Variants in ADAMTSL1 observed in about 807,000 individuals in gnomAD.
ADAMTSL1 encodes the protein ADAMTS-like protein 1.
Under a neutral mutation model 201.8 loss-of-function variants are expected in ADAMTSL1, and 126 were observed. That is an observed-to-expected ratio of 0.62 (90% CI 0.54 to 0.72). The LOEUF is 0.72. Among genes scored for constraint, ADAMTSL1 ranks in the 30% least tolerant of loss-of-function variants. The probability of loss-of-function intolerance (pLI) is 0.00; values close to 1 mark genes in which losing one functional copy is unlikely to be tolerated. For missense variants in ADAMTSL1, 2,679 were observed against 2,277.8 expected (o/e 1.18, Z -3.59); for synonymous variants, 1,121 against 903.4 (o/e 1.24, Z -4.32).
chr9:18,233,578 C>T (rs371883884), intron 2 of ADAMTSL1, among the ~76,000 whole-genome samples: 10 of 152,208 alleles, frequency 6.6e-5, no homozygotes, highest in South Asian at 2.1e-4. Flanking sequence ...CATTCCCTCC[C>T]ACCTAGGAGC....
At chr9:18,756,784 TTTGAGGGGA>T (rs1819800061) in intron 16 of ADAMTSL1, among the ~76,000 whole-genome samples, 1 of 152,226 alleles carries the variant, frequency 6.6e-6, no homozygotes, top group South Asian at 2.1e-4. Flanking sequence ...ACATTGCCCG[TTTGAGGGGA>T]GAAACTCTCT....
At chr9:18,275,793 A>G (rs1416616595) in intron 2 of ADAMTSL1, among the ~76,000 whole-genome samples, 1 of 152,040 alleles carries the variant, frequency 6.6e-6, no homozygotes, top group African/African-American at 2.4e-5. Context: ...CCAGTTTGAG[A>G]CTATTATTAA....
chr9:18,521,712 C>A (rs1009465170), intron 2 of ADAMTSL1, among the ~76,000 whole-genome samples: 2 of 151,918 alleles, frequency 1.3e-5, no homozygotes, highest in African/African-American at 2.4e-5. Flanking sequence ...TTTACATAAA[C>A]AAGTTTCATT....
At chr9:18,295,335 C>T (rs1016376754) in intron 2 of ADAMTSL1, among the ~76,000 whole-genome samples, 3 of 150,730 alleles carry the variant, frequency 2.0e-5, no homozygotes, top group Non-Finnish European at 4.4e-5. Flanking sequence ...TTGACTGCAA[C>T]CGTTATTCAT....
At chr9:18,788,488 C>G (rs1450060141) in intron 19 of ADAMTSL1, among the ~76,000 whole-genome samples, 1 of 147,314 alleles carries the variant, frequency 6.8e-6, no homozygotes, top group African/African-American at 2.5e-5. Context: ...AAAGGTTATT[C>G]CTTACTCCTG....
intron 1 of ADAMTSL1, among the ~76,000 whole-genome samples, chr9:18,152,995 G>T (rs2132051137): frequency 6.6e-6 from 1 of 151,886 alleles, no homozygotes; most frequent in South Asian, 2.1e-4. Flanking sequence ...TTAAAGTTTG[G>T]CATCTAGAAA....
intron 1 of ADAMTSL1, among the ~76,000 whole-genome samples, chr9:18,029,739 A>G (rs1820860496): frequency 6.6e-6 from 1 of 152,244 alleles, no homozygotes; most frequent in South Asian, 2.1e-4. Flanking sequence ...TGGGTGAAGG[A>G]TATGAATAGA....
chr9:18,640,766 A>G (rs10963696), intron 7 of ADAMTSL1, among the ~76,000 whole-genome samples: 2 of 151,706 alleles, frequency 1.3e-5, no homozygotes, highest in African/African-American at 4.8e-5. Context: ...CATCCAAACT[A>G]TCTCTCAACA....
chr9:18,635,494 C>T (rs902513167), intron 5 of ADAMTSL1, among the ~76,000 whole-genome samples: 2 of 152,062 alleles, frequency 1.3e-5, no homozygotes, highest in African/African-American at 2.4e-5. Context: ...GGGTGTTCAG[C>T]GCATACCAAT....
At chr9:18,539,225 C>G (rs1385368737) in intron 3 of ADAMTSL1, among the ~76,000 whole-genome samples, 5 of 152,168 alleles carry the variant, frequency 3.3e-5, no homozygotes, top group Non-Finnish European at 7.3e-5. Flanking sequence ...ACACCCAACT[C>G]CTGTTCTGTA....
intron 1 of ADAMTSL1, among the ~76,000 whole-genome samples, chr9:18,502,523 G>A (rs983551595): frequency 6.6e-6 from 1 of 152,178 alleles, no homozygotes; most frequent in African/African-American, 2.4e-5. Flanking sequence ...CATTGGCAAA[G>A]AGTCTTTTCT....
chr9:18,480,083 T>G (rs2131801373), intron 1 of ADAMTSL1, among the ~76,000 whole-genome samples: 1 of 152,352 alleles, frequency 6.6e-6, no homozygotes, highest in Middle Eastern at 3.4e-3. Flanking sequence ...TATTTTTCCT[T>G]TTTCAAAACT....
chr9:18,573,979 T>G (rs1587608437), intron 3 of ADAMTSL1, 51 bp from the exon 4 acceptor site: 1 of 1,482,828 alleles, frequency 6.7e-7, no homozygotes, highest in Non-Finnish European at 9.3e-7. Context: ...GGTTTCATGT[T>G]TGGGGGTATC....
chr9:18,591,693 T>C (rs539837131), intron 4 of ADAMTSL1, among the ~76,000 whole-genome samples: 1 of 152,196 alleles, frequency 6.6e-6, no homozygotes, highest in Non-Finnish European at 1.5e-5. Context: ...TAAATCACTG[T>C]AACTAGGCTC....
rs766423543 is a variant in ADAMTSL1 at position 18,828,658 on chromosome 9, AT to A, written c.4115-1182del. ...ATGAAAAGGATTCTTTTGAAAGTAT[AT>A]TTATATATATATATATATATATATA... On this transcript the variant is annotated intron_variant, in intron 22 of 28. Coordinates refer to ENST00000380548, the MANE Select transcript of ADAMTSL1 (RefSeq NM_001040272.6). 5.5e-3 allele frequency among the ~76,000 whole-genome samples: 301 copies of A among 54,292 alleles called. 15 individuals carry two copies. Among genetic ancestry groups the A allele is most frequent in the Middle Eastern group, 0.02 (2 of 98 alleles). 35.6% of individuals were successfully genotyped at this position (54,292 alleles called of 152,430 possible). A position where few individuals can be genotyped will look rare whatever the true frequency, so the allele number is the denominator to read the frequency against.
chr9:18,272,702 A>G (rs7861151), intron 2 of ADAMTSL1, among the ~76,000 whole-genome samples: 57,885 of 152,014 alleles, frequency 0.38, 11,902 homozygotes, highest in South Asian at 0.53. Flanking sequence ...CTACCACTTC[A>G]CAGAAAAATG....
chr9:18,228,727 C>G (rs7465779), intron 2 of ADAMTSL1, among the ~76,000 whole-genome samples: 2 of 152,056 alleles, frequency 1.3e-5, no homozygotes, highest in South Asian at 4.1e-4. Context: ...AGGGGATTTT[C>G]TAATGCCTTG....
chr9:17,988,666 A>G (rs1324084922), intron 1 of ADAMTSL1, among the ~76,000 whole-genome samples: 1 of 151,896 alleles, frequency 6.6e-6, no homozygotes, highest in Admixed American at 6.6e-5. Flanking sequence ...TTTGATAGTA[A>G]GGTCTGTTAA....
chr9:18,346,158 T>C (rs1422154989), intron 2 of ADAMTSL1, among the ~76,000 whole-genome samples: 1 of 152,172 alleles, frequency 6.6e-6, no homozygotes, highest in Non-Finnish European at 1.5e-5. Context: ...TTGATCTTAG[T>C]ACTTTACAAA....
Sources: allele counts gnomAD v4.1 joint callset (sites outside exome capture counted in the v4.1 genomes callset), GRCh38; gene constraint gnomAD v4.1.1; transcripts MANE v1.5; gene names NCBI Gene and HGNC (gene_info 2026-07-23, HGNC 2026-07-21).